Variants in FOXK2 observed in about 807,000 individuals in gnomAD.
FOXK2 encodes forkhead box protein K2.
FOXK2 carries 24 observed loss-of-function variants against 53.3 expected under a neutral mutation model. The ratio of observed to expected loss-of-function variants is 0.45; its 90% CI spans 0.33 to 0.63. FOXK2 has a LOEUF of 0.63. FOXK2 is among the 30% of genes least tolerant of loss of function. The probability of loss-of-function intolerance (pLI) is 0.03; values close to 1 mark genes in which losing one functional copy is unlikely to be tolerated. For missense variants in FOXK2, 952 were observed against 910.5 expected, an observed-to-expected ratio of 1.05 and a Z score of -0.59; for synonymous variants, 505 against 407.1, an observed-to-expected ratio of 1.24 and a Z score of -2.89.
chr17:82,569,267 C>T (rs190025727), intron 3 of FOXK2, among the ~76,000 whole-genome samples: 27 of 152,334 alleles, frequency 1.8e-4, no homozygotes, highest in African/African-American at 6.5e-4. Flanking sequence ...TGTGCATCCC[C>T]CACCTGCGGC....
At position 82,601,644 on chromosome 17, in the gene FOXK2, A is replaced by G. The variant is rs949206106; in HGVS notation, c.*145A>G. The stretch of plus-strand genomic sequence containing the variant: ...AACCCAAAACCCAGCTGGCCTTAAC[A>G]CTCCTTAAAGACAGAAGTCACACTT... On this transcript the variant is annotated 3_prime_UTR_variant, in exon 9 of 9. Transcript: ENST00000335255. The G allele has an allele frequency of 2.8e-6, 2 of 720,252 alleles. No homozygotes were observed. The highest frequency in any genetic ancestry group is 4.4e-6 in the Non-Finnish European group (2 of 453,756). The allele number at this position is 720,252 out of a possible 1,614,324, so 44.6% of individuals were successfully genotyped here. A position where few individuals can be genotyped will look rare whatever the true frequency, so the allele number is the denominator to read the frequency against.
chr17:82,549,715 C>T (rs1379837362), intron 1 of FOXK2, among the ~76,000 whole-genome samples: 5 of 152,234 alleles, frequency 3.3e-5, no homozygotes, highest in Non-Finnish European at 7.3e-5. Flanking sequence ...TCATCACATG[C>T]GTTGTTGGAA....
At chr17:82,559,216 G>A in intron 1 of FOXK2, 1 of 385,108 alleles carries the variant, frequency 2.6e-6, no homozygotes, top group South Asian at 1.8e-5. Context: ...GTTTGATTTG[G>A]TGTCCTGAGT....
At position 82,601,398 on chromosome 17, in the gene FOXK2, G is replaced by C; in HGVS notation, c.1882G>C (p.Glu628Gln). ...RHNGDQPEQP[E>Q]LKRIKTEDGE... ...CAACGGTGACCAGCCGGAGCAGCCG[G>C]AGCTGAAGCGGATCAAGACAGAAGA... Residue 628 changes from glutamate (E) to glutamine (Q), a missense_variant, in exon 9 of 9, where the codon GAG becomes CAG. By Grantham distance (29) the Glu-to-Gln change is conservative. Transcript: ENST00000335255. The C allele has an allele frequency of 6.2e-7, 1 of 1,613,290 alleles. No individual in the cohort carries two copies. Among genetic ancestry groups the C allele is most frequent in the Non-Finnish European group, 8.5e-7 (1 of 1,180,026 alleles).
chr17:82,575,118 G>T (rs1048545853), intron 4 of FOXK2, among the ~76,000 whole-genome samples: 1 of 152,138 alleles, frequency 6.6e-6, no homozygotes, highest in African/African-American at 2.4e-5. Flanking sequence ...GATGACATAC[G>T]TGTTTTCTGA....
At chr17:82,583,969 T>TGC in intron 5 of FOXK2, 44 bp from the exon 6 acceptor site, 1 of 1,534,750 alleles carries the variant, frequency 6.5e-7, no homozygotes, top group Non-Finnish European at 8.8e-7. Flanking sequence ...GCTTTCTGAG[T>TGC]GCGTCAGCTG....
chr17:82,600,546 A>G (rs1476886960), intron 8 of FOXK2: 1 of 152,398 alleles, frequency 6.6e-6, no homozygotes, highest in South Asian at 2.1e-4. Flanking sequence ...CATCTAAAGA[A>G]GTAACTATAC....
In FOXK2 at chr17:82,601,290, C is replaced by G; in HGVS notation, c.1787-13C>G. ...TGAGAGCGTGGGGTTCTGACTCCCT[C>G]GTGTCATTTCAGCCGCGGCGAGTCC... is the stretch of plus-strand genomic sequence containing the variant. On this transcript the variant is annotated splice_polypyrimidine_tract_variant and intron_variant, in intron 8 of 8. Coordinates refer to ENST00000335255, the MANE Select transcript of FOXK2 (RefSeq NM_004514.4). The G allele has an allele frequency of 6.2e-7, 1 of 1,607,302 alleles. No individual in the cohort carries two copies. The highest frequency in any genetic ancestry group is 8.5e-7 in the Non-Finnish European group (1 of 1,176,338).
intron 1 of FOXK2, among the ~76,000 whole-genome samples, chr17:82,556,580 G>GGGGCTGGGGCTT (rs2044727539): frequency 6.6e-6 from 1 of 152,098 alleles, no homozygotes; most frequent in Non-Finnish European, 1.5e-5. Context: ...GGCTGGGGCT[G>GGGGCTGGGGCTT]GGGCTGGGGC....
chr17:82,531,907 C>A (rs1465672727), intron 1 of FOXK2, among the ~76,000 whole-genome samples: 1 of 152,202 alleles, frequency 6.6e-6, no homozygotes, highest in Non-Finnish European at 1.5e-5. Flanking sequence ...ATGGCGTGAT[C>A]TTGGCTCACT....
chr17:82,584,549 C>CTTTTTTT (rs34083156), intron 6 of FOXK2, among the ~76,000 whole-genome samples: 5 of 89,880 alleles, frequency 5.6e-5, no homozygotes, highest in African/African-American at 1.2e-4. Flanking sequence ...AAAACATGTC[C>CTTTTTTT]TTTTTTTTTT....
intron 8 of FOXK2, among the ~76,000 whole-genome samples, chr17:82,589,944 G>A (rs993920968): frequency 2.0e-5 from 3 of 152,084 alleles, no homozygotes; most frequent in African/African-American, 4.8e-5. Context: ...TACTCTGGAC[G>A]CTGAGGCAGG....
At chr17:82,581,042 C>A (rs1218309943) in intron 4 of FOXK2, among the ~76,000 whole-genome samples, 2 of 152,232 alleles carry the variant, frequency 1.3e-5, no homozygotes, top group African/African-American at 4.8e-5. Flanking sequence ...TGTTGGATTT[C>A]TTAGTCACCT....
chr17:82,544,104 G>C (rs1232634799), intron 1 of FOXK2, among the ~76,000 whole-genome samples: 3 of 151,944 alleles, frequency 2.0e-5, no homozygotes, highest in East Asian at 3.9e-4. Flanking sequence ...ATAGACATGA[G>C]GTCTCACTAT....
chr17:82,559,695 T>A (rs139232734), intron 1 of FOXK2, among the ~76,000 whole-genome samples: 1 of 111,852 alleles, frequency 8.9e-6, no homozygotes, highest in African/African-American at 3.4e-5. Context: ...GTTTGCAGAC[T>A]CTAGAAGTAA....
intron 6 of FOXK2, among the ~76,000 whole-genome samples, 180 bp from the exon 7 acceptor site, chr17:82,585,724 C>A (rs771646045): frequency 1.6e-4 from 24 of 152,284 alleles, no homozygotes; most frequent in Non-Finnish European, 2.8e-4. Flanking sequence ...GAATTAAATA[C>A]CCCTTTTAAA....
Position 82,560,130 on chromosome 17 carries a change from C to T in FOXK2, c.420-3224C>T, listed in dbSNP as rs142442948. Among the ~76,000 whole-genome samples the T allele has an allele frequency of 7.5e-3, 1,137 of 151,352 alleles. 13 individuals carry two copies. The highest frequency in any genetic ancestry group is 0.026 in the African/African-American group (1,075 of 41,192). ...AAGAGATTCTCCTGCCTTAGCCTCC[C>T]GAGTAGCTGGGATTACACGTGTGTG... On this transcript the variant is annotated intron_variant, in intron 1 of 8. Coordinates refer to ENST00000335255, the MANE Select transcript of FOXK2 (RefSeq NM_004514.4).
At chr17:82,532,643 A>G (rs964958336) in intron 1 of FOXK2, among the ~76,000 whole-genome samples, 10 of 152,036 alleles carry the variant, frequency 6.6e-5, no homozygotes, top group African/African-American at 2.2e-4. Flanking sequence ...CTGGAGTGCA[A>G]TGGTGTGATT....
intron 1 of FOXK2, among the ~76,000 whole-genome samples, chr17:82,546,419 C>T (rs1452861244): frequency 2.0e-5 from 3 of 151,740 alleles, no homozygotes; most frequent in East Asian, 1.9e-4. Flanking sequence ...ACCCAGCCAG[C>T]GTGGTATATT....
Sources: gnomAD v4.1 joint callset for allele counts (sites outside exome capture counted in the v4.1 genomes callset) on GRCh38, gnomAD v4.1.1 for gene constraint, MANE v1.5 for transcripts, NCBI Gene and HGNC (gene_info 2026-07-23, HGNC 2026-07-21) for gene names.